Variants in RSRC1 observed in about 807,000 individuals in gnomAD.
RSRC1 encodes arginine and serine rich coiled-coil 1.
RSRC1 carries 39 observed loss-of-function variants against 49.1 expected under a neutral mutation model. The ratio of observed to expected loss-of-function variants is 0.79; its 90% CI spans 0.61 to 1.04. The LOEUF (loss-of-function observed/expected upper bound fraction) is 1.04, where lower values mean the gene tolerates loss of function less well. Ranked by LOEUF, RSRC1 falls within the 50% of genes least tolerant of loss-of-function variation. The pLI is 0.00. For synonymous variants in RSRC1, 143 were observed against 130.8 expected (o/e 1.09, Z -0.63); for missense variants, 388 against 402.4 (o/e 0.96, Z 0.31).
intron 6 of RSRC1, among the ~76,000 whole-genome samples, chr3:158,359,788 C>T (rs759311585): frequency 6.6e-6 from 1 of 152,094 alleles, no homozygotes; most frequent in Non-Finnish European, 1.5e-5. Context: ...TTTTAGCTTC[C>T]CTATTCATTG....
intron 7 of RSRC1, among the ~76,000 whole-genome samples, chr3:158,503,452 A>G (rs1012335489): frequency 6.6e-6 from 1 of 152,026 alleles, no homozygotes; most frequent in Non-Finnish European, 1.5e-5. Context: ...AGAACTCCCA[A>G]GATTATATGC....
At chr3:158,229,233 T>C (rs1280955548) in intron 4 of RSRC1, among the ~76,000 whole-genome samples, 12 of 150,776 alleles carry the variant, frequency 8.0e-5, no homozygotes, top group Admixed American at 7.3e-4. Context: ...CACGTATATG[T>C]GTATGTATGT....
chr3:158,113,900 A>C (rs911342490), intron 1 of RSRC1, among the ~76,000 whole-genome samples: 2 of 152,036 alleles, frequency 1.3e-5, no homozygotes, highest in Non-Finnish European at 2.9e-5. Flanking sequence ...TCTGGATATT[A>C]GACCTTTGTC....
chr3:158,140,752 G>A (rs969297388), intron 3 of RSRC1, among the ~76,000 whole-genome samples: 2 of 152,156 alleles, frequency 1.3e-5, no homozygotes, highest in African/African-American at 2.4e-5. Context: ...TGTGCTACGT[G>A]TACTACCATG....
chr3:158,527,352 G>A (rs1231463356), intron 7 of RSRC1, among the ~76,000 whole-genome samples: 1 of 152,074 alleles, frequency 6.6e-6, no homozygotes, highest in East Asian at 1.9e-4. Flanking sequence ...GATGATGCAA[G>A]AAGAGAGTTG....
At chr3:158,445,301 A>AC (rs1325004245) in intron 6 of RSRC1, among the ~76,000 whole-genome samples, 1 of 152,068 alleles carries the variant, frequency 6.6e-6, no homozygotes, top group Non-Finnish European at 1.5e-5. Flanking sequence ...TGGCACATAC[A>AC]CCCCATGAAA....
chr3:158,505,669 A>G lies in RSRC1; in HGVS notation c.653-31423A>G, dbSNP rs139444422. ...GGAAGAACCTGAAAGGAAGTTTTGC[A>G]TGCTATAGAAGTTCATAGAAGGTTT... On this transcript the variant is annotated intron_variant, in intron 7 of 9. Coordinates refer to ENST00000611884, the MANE Select transcript of RSRC1 (RefSeq NM_001271838.2). Among the ~76,000 whole-genome samples, 794 of 152,220 alleles carry G rather than the reference A, an allele frequency of 5.2e-3. 2 individuals are homozygous for G. Among genetic ancestry groups the G allele is most frequent in the African/African-American group, 0.018 (742 of 41,528 alleles).
intron 6 of RSRC1, among the ~76,000 whole-genome samples, chr3:158,435,409 A>T (rs889169102): frequency 2.0e-5 from 3 of 151,778 alleles, no homozygotes; most frequent in African/African-American, 7.2e-5. Context: ...AAAATAATTT[A>T]TCCAGTAGGA....
chr3:158,511,654 G>C (rs1010035914), intron 7 of RSRC1, among the ~76,000 whole-genome samples: 1 of 152,044 alleles, frequency 6.6e-6, no homozygotes, highest in Non-Finnish European at 1.5e-5. Flanking sequence ...AGGATGGCTG[G>C]GTCAAATGGT....
At chr3:158,342,547 T>A (rs1385782937) in intron 5 of RSRC1, among the ~76,000 whole-genome samples, 1 of 152,204 alleles carries the variant, frequency 6.6e-6, no homozygotes, top group African/African-American at 2.4e-5. Flanking sequence ...ATTAAACCTC[T>A]TTCTGTTCCC....
chr3:158,453,250 C>T (rs1737143659), intron 6 of RSRC1, among the ~76,000 whole-genome samples: 1 of 151,568 alleles, frequency 6.6e-6, no homozygotes, highest in African/African-American at 2.4e-5. Flanking sequence ...TTTTCAAACT[C>T]TTGTGCACAC....
chr3:158,514,166 A>G (rs1364719552), intron 7 of RSRC1, among the ~76,000 whole-genome samples: 1 of 151,934 alleles, frequency 6.6e-6, no homozygotes, highest in Non-Finnish European at 1.5e-5. Flanking sequence ...TAGCTTTTGA[A>G]TGTGTTTCCT....
intron 5 of RSRC1, among the ~76,000 whole-genome samples, chr3:158,344,279 A>G (rs1360061440): frequency 6.6e-6 from 1 of 152,148 alleles, no homozygotes; most frequent in Non-Finnish European, 1.5e-5. Context: ...AAATAAAAAG[A>G]TGAATGAAAT....
At chr3:158,289,983 G>T (rs772080227) in intron 4 of RSRC1, among the ~76,000 whole-genome samples, 1 of 151,520 alleles carries the variant, frequency 6.6e-6, no homozygotes, top group Non-Finnish European at 1.5e-5. Flanking sequence ...TTGAAAATGA[G>T]ACTGACTTTC....
chr3:158,410,949 T>G (rs1734434371), intron 6 of RSRC1, among the ~76,000 whole-genome samples: 1 of 152,114 alleles, frequency 6.6e-6, no homozygotes, highest in South Asian at 2.1e-4. Context: ...AACTATCACC[T>G]TCTCTTTTAT....
At chr3:158,403,515 C>T in intron 6 of RSRC1, among the ~76,000 whole-genome samples, 1 of 151,570 alleles carries the variant, frequency 6.6e-6, no homozygotes, top group Middle Eastern at 3.2e-3. Context: ...TTAATATGTC[C>T]ACTTCAAACT....
chr3:158,150,982 C>G (rs1369259308), intron 3 of RSRC1, among the ~76,000 whole-genome samples: 1 of 152,162 alleles, frequency 6.6e-6, no homozygotes, highest in Non-Finnish European at 1.5e-5. Context: ...ATGTACATCT[C>G]TAACTAAATT....
chr3:158,399,020 CCCAGAAGAGGGTCTGAATATTTAT>C (rs1733756449), intron 6 of RSRC1, among the ~76,000 whole-genome samples: 1 of 151,322 alleles, frequency 6.6e-6, no homozygotes, highest in Non-Finnish European at 1.5e-5. Context: ...TTTCACTGAA[CCCAGAAGAGGGTCTGAATATTTAT>C]CATGTTTGAG....
intron 7 of RSRC1, among the ~76,000 whole-genome samples, chr3:158,481,087 C>T (rs1367071601): frequency 1.3e-5 from 2 of 152,030 alleles, no homozygotes; most frequent in African/African-American, 4.8e-5. Flanking sequence ...GGGGCTTGAG[C>T]TTTATTCTGG....
Sources: gnomAD v4.1 joint callset for allele counts (sites outside exome capture counted in the v4.1 genomes callset) on GRCh38, gnomAD v4.1.1 for gene constraint, MANE v1.5 for transcripts, NCBI Gene and HGNC (gene_info 2026-07-23, HGNC 2026-07-21) for gene names.